The following PPP2R2B variants were observed in gnomAD, a reference collection of about 807,000 sequenced individuals.
PPP2R2B encodes protein phosphatase 2 regulatory subunit Bbeta.
PPP2R2B carries 5 observed loss-of-function variants against 46.0 expected under a neutral mutation model. That is an observed-to-expected ratio of 0.11 (90% CI 0.06 to 0.23). The LOEUF (loss-of-function observed/expected upper bound fraction) is 0.23, where lower values mean the gene tolerates loss of function less well. PPP2R2B is among the 10% of genes least tolerant of loss of function. The pLI is 1.00. For synonymous variants in PPP2R2B, 215 were observed against 206.7 expected, an observed-to-expected ratio of 1.04 and a Z score of -0.34; for missense variants, 367 against 575.0, an observed-to-expected ratio of 0.64 and a Z score of 3.70.
intron 2 of PPP2R2B, chr5:146,856,430 T>A: frequency 8.3e-7 from 1 of 1,202,632 alleles, no homozygotes; most frequent in Non-Finnish European, 1.2e-6. Context: ...TTTAAGCAAT[T>A]GGAACTATTT....
At chr5:146,814,191 TAA>T (rs538306555) in intron 2 of PPP2R2B, among the ~76,000 whole-genome samples, 13 of 124,474 alleles carry the variant, frequency 1.0e-4, no homozygotes, top group African/African-American at 2.0e-4. Context: ...AGAAAACAGC[TAA>T]AAAAAAAAAA....
At chr5:146,932,929 T>C (rs1055134658) in intron 1 of PPP2R2B, among the ~76,000 whole-genome samples, 2 of 152,156 alleles carry the variant, frequency 1.3e-5, no homozygotes, top group African/African-American at 2.4e-5. Flanking sequence ...AGCAGAGATA[T>C]TACAGCTGTG....
intron 2 of PPP2R2B, among the ~76,000 whole-genome samples, chr5:146,701,803 G>A (rs958039310): frequency 1.3e-5 from 2 of 152,136 alleles, no homozygotes; most frequent in African/African-American, 4.8e-5. Flanking sequence ...AGAAGTGAGG[G>A]CAATTTGTAC....
intron 2 of PPP2R2B, among the ~76,000 whole-genome samples, chr5:146,870,810 T>C (rs1484379560): frequency 6.6e-6 from 1 of 152,196 alleles, no homozygotes; most frequent in Non-Finnish European, 1.5e-5. Context: ...TAACATTTGT[T>C]GTAAGCGATC....
Position 146,588,113 on chromosome 5 carries a change from G to GGAT in PPP2R2B, c.*1833_*1834insATC, listed in dbSNP as rs397720089. The GGAT allele has an allele frequency of 6.6e-6, 1 of 151,826 alleles. No homozygotes were observed. Among genetic ancestry groups the GGAT allele is most frequent in the Non-Finnish European group, 1.5e-5 (1 of 67,930 alleles). 9.4% of individuals were successfully genotyped at this position (151,826 alleles called of 1,614,324 possible). ...TCAGGACAGAAATCTTGCCCAGAGA[G>GGAT]TTTACACCTTAGCCACTTTACTTGA... On this transcript the variant is annotated 3_prime_UTR_variant, in exon 10 of 10. Coordinates refer to ENST00000394411, the MANE Select transcript of PPP2R2B (RefSeq NM_181675.4).
chr5:146,786,649 C>T (rs1223589602), intron 2 of PPP2R2B, among the ~76,000 whole-genome samples: 1 of 152,132 alleles, frequency 6.6e-6, no homozygotes, highest in Non-Finnish European at 1.5e-5. Flanking sequence ...TAGTCCTTTG[C>T]CCATATTAAT....
At chr5:146,949,973 A>G (rs926745005) in intron 1 of PPP2R2B, among the ~76,000 whole-genome samples, 13 of 152,010 alleles carry the variant, frequency 8.6e-5, no homozygotes, top group African/African-American at 3.1e-4. Context: ...GAGGCTGGGA[A>G]GGGTAGTGGG....
chr5:146,911,280 C>T (rs1017225027), intron 1 of PPP2R2B, among the ~76,000 whole-genome samples: 5 of 152,274 alleles, frequency 3.3e-5, no homozygotes, highest in East Asian at 1.9e-4. Context: ...GACGGGGTTT[C>T]GCCATATCGG....
intron 2 of PPP2R2B, among the ~76,000 whole-genome samples, chr5:147,073,909 A>C (rs1042835513): frequency 9.9e-5 from 15 of 151,846 alleles, no homozygotes; most frequent in African/African-American, 3.6e-4. Context: ...GGTGGCAGGC[A>C]CCTGTAATCC....
intron 8 of PPP2R2B, among the ~76,000 whole-genome samples, chr5:146,593,585 A>G (rs1479081550): frequency 6.6e-6 from 1 of 152,176 alleles, no homozygotes; most frequent in African/African-American, 2.4e-5. Flanking sequence ...GGGGTGTATT[A>G]TTTTATACAG....
chr5:147,005,575 C>G (rs1754398989), intron 1 of PPP2R2B, among the ~76,000 whole-genome samples: 1 of 152,116 alleles, frequency 6.6e-6, no homozygotes, highest in Admixed American at 6.5e-5. Flanking sequence ...CAGTCTTATA[C>G]TGCTGAAGCC....
chr5:146,777,246 A>C (rs1561898788), intron 2 of PPP2R2B, among the ~76,000 whole-genome samples: 1 of 152,178 alleles, frequency 6.6e-6, no homozygotes, highest in Non-Finnish European at 1.5e-5. Context: ...AGAAGAACGA[A>C]TAAATAAAAT....
intron 1 of PPP2R2B, among the ~76,000 whole-genome samples, chr5:146,947,887 A>G (rs1764533385): frequency 6.6e-6 from 1 of 151,366 alleles, no homozygotes; most frequent in Non-Finnish European, 1.5e-5. Context: ...TCTTTTCCTC[A>G]AGGCGAAATC....
chr5:146,887,173 T>C (rs532887089), intron 1 of PPP2R2B, among the ~76,000 whole-genome samples: 1 of 152,234 alleles, frequency 6.6e-6, no homozygotes, highest in African/African-American at 2.4e-5. Flanking sequence ...CAATAAAGAA[T>C]TACTAATGAC....
In PPP2R2B at chr5:147,018,043, G is replaced by GCA. The variant is rs60161356; in HGVS notation, c.79+37620_79+37621dup. Among the ~76,000 whole-genome samples, 420 of 48,268 alleles carry GCA rather than the reference G, an allele frequency of 8.7e-3. 4 individuals carry two copies. The highest frequency in any genetic ancestry group is 0.035 in the African/African-American group (279 of 7,988). The allele number at this position is 48,268 out of a possible 152,430, so 31.7% of individuals were successfully genotyped here. A position where few individuals can be genotyped will look rare whatever the true frequency, so the allele number is the denominator to read the frequency against. ...CTACGACACACACATGCATGCGCGC[G>GCA]CACACACACACACACACACACACAC... On this transcript the variant is annotated intron_variant, in intron 1 of 8. Transcript: ENST00000336640.
chr5:146,999,413 T>C (rs1180929925), intron 1 of PPP2R2B, among the ~76,000 whole-genome samples: 1 of 152,182 alleles, frequency 6.6e-6, no homozygotes, highest in Non-Finnish European at 1.5e-5. Flanking sequence ...TGGATGCATA[T>C]TACAATCCAC....
At chr5:146,725,131 C>G (rs1751778951) in intron 2 of PPP2R2B, among the ~76,000 whole-genome samples, 1 of 152,162 alleles carries the variant, frequency 6.6e-6, no homozygotes. Flanking sequence ...CCTTTGCCTT[C>G]CTTTCCTCAC....
intron 1 of PPP2R2B, among the ~76,000 whole-genome samples, chr5:147,014,833 A>G (rs993992287): frequency 6.6e-6 from 1 of 152,148 alleles, no homozygotes; most frequent in Non-Finnish European, 1.5e-5. Flanking sequence ...ATGTATACAT[A>G]TGTAACTAAC....
chr5:146,649,035 T>C (rs769842044), intron 6 of PPP2R2B, among the ~76,000 whole-genome samples: 2 of 152,212 alleles, frequency 1.3e-5, no homozygotes, highest in African/African-American at 4.8e-5. Context: ...GAAGGGTTCG[T>C]ACTGTATAAA....
Sources: allele counts gnomAD v4.1 joint callset (sites outside exome capture counted in the v4.1 genomes callset), GRCh38; gene constraint gnomAD v4.1.1; transcripts MANE v1.5; gene names NCBI Gene and HGNC (gene_info 2026-07-23, HGNC 2026-07-21).